MYRIP: variants seen among roughly 807,000 people sequenced by gnomAD.
The protein encoded by MYRIP is myosin VIIA and Rab interacting protein.
In MYRIP, 49 loss-of-function variants were observed where a neutral mutation model predicts 98.0. The observed-to-expected ratio is 0.50, with a 90% CI of 0.40 to 0.63. The LOEUF is 0.63. Among genes scored for constraint, MYRIP ranks in the 30% least tolerant of loss-of-function variants. MYRIP has a pLI of 0.00. For synonymous variants in MYRIP, 404 were observed against 409.5 expected (o/e 0.99, Z 0.16); for missense variants, 1,004 against 1,058.2 (o/e 0.95, Z 0.71).
At chr3:40,049,617 T>A (rs1335689493) in intron 3 of MYRIP, among the ~76,000 whole-genome samples, 2 of 151,716 alleles carry the variant, frequency 1.3e-5, no homozygotes, top group South Asian at 2.1e-4. Flanking sequence ...GGCCCTATAA[T>A]GGCCTCTAAG....
intron 1 of MYRIP, among the ~76,000 whole-genome samples, chr3:39,845,337 G>A (rs1210207819): frequency 6.6e-6 from 1 of 152,034 alleles, no homozygotes; most frequent in Admixed American, 6.5e-5. Flanking sequence ...CAGCTGGTTT[G>A]GAATTTGGCT....
chr3:39,919,721 T>TGAGAGA (rs1392578651), intron 2 of MYRIP, among the ~76,000 whole-genome samples: 2 of 146,930 alleles, frequency 1.4e-5, no homozygotes, highest in African/African-American at 5.1e-5. Context: ...TGTGTGTGTG[T>TGAGAGA]GTGTGTGAGA....
At chr3:39,943,063 G>T (rs1944825990) in intron 2 of MYRIP, among the ~76,000 whole-genome samples, 1 of 152,112 alleles carries the variant, frequency 6.6e-6, no homozygotes, top group Non-Finnish European at 1.5e-5. Context: ...TAGTTCTGAT[G>T]ACCTTGACTC....
chr3:39,878,277 T>C (rs1943063207), intron 1 of MYRIP, among the ~76,000 whole-genome samples: 1 of 152,224 alleles, frequency 6.6e-6, no homozygotes, highest in African/African-American at 2.4e-5. Context: ...GAAAGGGAAC[T>C]CCCTGACCCT....
At chr3:40,061,039 T>TCTAAAAGCC (rs1264153348) in intron 3 of MYRIP, among the ~76,000 whole-genome samples, 32 of 152,340 alleles carry the variant, frequency 2.1e-4, no homozygotes, top group African/African-American at 7.0e-4. Context: ...ATTATGCATT[T>TCTAAAAGCC]CTAAAAGCCC....
intron 2 of MYRIP, among the ~76,000 whole-genome samples, chr3:40,000,637 G>A (rs1162417840): frequency 9.2e-5 from 14 of 152,114 alleles, no homozygotes; most frequent in African/African-American, 2.7e-4. Flanking sequence ...TTGATGATTT[G>A]TGACTTGCTT....
chr3:39,871,652 T>G (rs2125630484), intron 1 of MYRIP, among the ~76,000 whole-genome samples: 1 of 152,198 alleles, frequency 6.6e-6, no homozygotes, highest in South Asian at 2.1e-4. Flanking sequence ...CCTGCCAAAA[T>G]AACACATTCC....
At chr3:40,114,575 G>C (rs572877810) in intron 3 of MYRIP, among the ~76,000 whole-genome samples, 91 of 152,310 alleles carry the variant, frequency 6.0e-4, no homozygotes, top group Non-Finnish European at 1.0e-3. Context: ...TTCTTATTAA[G>C]AATTTTCACA....
chr3:39,856,606 C>T (rs1181708277), intron 1 of MYRIP, among the ~76,000 whole-genome samples: 11 of 152,168 alleles, frequency 7.2e-5, no homozygotes, highest in East Asian at 3.9e-4. Flanking sequence ...GCCCAACCAG[C>T]GGAGCTACCC....
At position 39,895,916 on chromosome 3, in the gene MYRIP, G is replaced by GGTGTGT. The variant is rs10577583; in HGVS notation, c.-30-4855_-30-4850dup. Among the ~76,000 whole-genome samples, 4 of 150,036 alleles carry GGTGTGT rather than the reference G, an allele frequency of 2.7e-5. No homozygotes were observed. The East Asian group carries it at 6.0e-4, about 23-fold the overall frequency. On this transcript the variant is annotated intron_variant, in intron 1 of 16. Transcript: ENST00000302541. ...GAGAAAAACTCGTGTGTGTGTGTGT[G>GGTGTGT]GTGTGTGTGTGTGTGTGTGTGCGCG...
chr3:39,885,344 T>C (rs1218851190), intron 1 of MYRIP, among the ~76,000 whole-genome samples: 1 of 152,090 alleles, frequency 6.6e-6, no homozygotes, highest in Non-Finnish European at 1.5e-5. Context: ...TTCTGGCTTG[T>C]AGAGTTTCTG....
intron 1 of MYRIP, among the ~76,000 whole-genome samples, chr3:39,892,538 A>C (rs1943512800): frequency 6.6e-6 from 1 of 152,138 alleles, no homozygotes; most frequent in African/African-American, 2.4e-5. Context: ...AAGTTATGTA[A>C]ATTAAATTTA....
intron 3 of MYRIP, among the ~76,000 whole-genome samples, chr3:40,110,884 GTGTGTGT>G (rs1559404889): frequency 5.3e-3 from 5 of 946 alleles, no homozygotes; most frequent in East Asian, 0.033. Flanking sequence ...ATGAAGGGGT[GTGTGTGT>G]GTGTGTGTGT....
intron 16 of MYRIP, among the ~76,000 whole-genome samples, chr3:40,254,731 A>T (rs1953516467): frequency 6.6e-6 from 1 of 152,038 alleles, no homozygotes; most frequent in African/African-American, 2.4e-5. Flanking sequence ...GCAATTTGGG[A>T]ACCCCCCCAG....
intron 2 of MYRIP, among the ~76,000 whole-genome samples, chr3:40,035,128 A>G (rs1251833012): frequency 6.6e-6 from 1 of 151,010 alleles, no homozygotes; most frequent in Non-Finnish European, 1.5e-5. Flanking sequence ...ATGCTAAATG[A>G]CAAGTTAATG....
At chr3:40,127,251 T>C (rs1949542542) in intron 3 of MYRIP, among the ~76,000 whole-genome samples, 1 of 152,234 alleles carries the variant, frequency 6.6e-6, no homozygotes, top group Non-Finnish European at 1.5e-5. Context: ...CTTAAGCATG[T>C]TAGATCAATG....
chr3:40,014,820 G>A (rs1187262489), intron 2 of MYRIP, among the ~76,000 whole-genome samples: 1 of 152,122 alleles, frequency 6.6e-6, no homozygotes, highest in South Asian at 2.1e-4. Context: ...AAATTTAATT[G>A]GGAGCTTTTA....
At chr3:39,935,126 C>T (rs949437006) in intron 2 of MYRIP, among the ~76,000 whole-genome samples, 1 of 152,172 alleles carries the variant, frequency 6.6e-6, no homozygotes, top group African/African-American at 2.4e-5. Context: ...TCAGGTGATG[C>T]TTTTTGTGCC....
At chr3:39,886,568 A>C (rs998148538) in intron 1 of MYRIP, among the ~76,000 whole-genome samples, 8 of 151,938 alleles carry the variant, frequency 5.3e-5, no homozygotes, top group African/African-American at 1.9e-4. Context: ...ATTTTAAACC[A>C]ACAAAGATCA....
Sources: allele counts gnomAD v4.1 joint callset (sites outside exome capture counted in the v4.1 genomes callset), GRCh38; gene constraint gnomAD v4.1.1; transcripts MANE v1.5; gene names NCBI Gene and HGNC (gene_info 2026-07-23, HGNC 2026-07-21).